Variants in PON1 observed in about 807,000 individuals in gnomAD.
PON1 encodes serum paraoxonase/arylesterase 1.
Under a neutral mutation model 39.2 loss-of-function variants are expected in PON1, and 37 were observed. That is an observed-to-expected ratio of 0.94 (90% CI 0.73 to 1.24). The LOEUF is 1.24. PON1 is among the 50% of genes most tolerant of loss of function. The pLI, the probability that PON1 is intolerant of heterozygous loss-of-function variation, is 0.00. For missense variants in PON1, 397 were observed against 413.5 expected, an observed-to-expected ratio of 0.96 and a Z score of 0.35; for synonymous variants, 148 against 152.2, an observed-to-expected ratio of 0.97 and a Z score of 0.21.
At chr7:95,316,311 T>C (rs1195503234) in intron 3 of PON1, among the ~76,000 whole-genome samples, 3 of 152,206 alleles carry the variant, frequency 2.0e-5, no homozygotes, top group African/African-American at 4.8e-5. Context: ...TCAACAATTT[T>C]AAATTAAAGG....
Position 95,318,896 on chromosome 7 carries a change from C to A in PON1, c.75-503G>T, listed in dbSNP as rs371553006. Among the ~76,000 whole-genome samples, 26 of 152,234 alleles carry A rather than the reference C, an allele frequency of 1.7e-4. 1 individual carries two copies. In the South Asian group the frequency reaches 4.6e-3, roughly 27 times the overall value. On this transcript the variant is annotated intron_variant, in intron 1 of 8. Transcript: ENST00000222381. ...TAACTTCAGAAAATCATACACAAGG[C>A]CTGCATGTAAAAAGGCATTTCACAC...
rs1051416101 is a variant in PON1, at chr7:95,298,595, G to T, written c.*349C>A. 2 of 370,194 alleles carry T rather than the reference G, an allele frequency of 5.4e-6. No homozygotes were observed. Among genetic ancestry groups the T allele is most frequent in the East Asian group, 1.3e-4 (2 of 14,930 alleles). 22.9% of individuals were successfully genotyped at this position (370,194 alleles called of 1,614,324 possible). ...TCTGAACAAGACATGGCAAGGCAGCGATACACACATGTGCTTCCAGGCAAC... is the reference window on the plus strand; with the variant it reads ...TCTGAACAAGACATGGCAAGGCAGCTATACACACATGTGCTTCCAGGCAAC... On this transcript the variant is annotated 3_prime_UTR_variant, in exon 9 of 9. Coordinates refer to ENST00000222381, the MANE Select transcript of PON1 (RefSeq NM_000446.7).
chr7:95,303,400 C>T (rs750009752), intron 7 of PON1, among the ~76,000 whole-genome samples: 18 of 152,212 alleles, frequency 1.2e-4, no homozygotes, highest in Non-Finnish European at 2.4e-4. Context: ...AGTGTCAGCA[C>T]ACCACTCTGA....
chr7:95,318,064 ATTTTTCTTTTTTCTT>A, intron 2 of PON1, among the ~76,000 whole-genome samples: 1 of 141,832 alleles, frequency 7.1e-6, no homozygotes, highest in African/African-American at 2.6e-5. Context: ...ACATTATTCT[ATTTTTCTTTTTTCTT>A]TTTTTCTTTT....
chr7:95,320,792 G>C (rs888013970), intron 1 of PON1, among the ~76,000 whole-genome samples: 3 of 152,164 alleles, frequency 2.0e-5, no homozygotes, highest in Non-Finnish European at 4.4e-5. Context: ...AAAGGCTTAA[G>C]TCCAAATGTT....
Position 95,322,743 on chromosome 7 carries a change from C to T in PON1, c.74+1659G>A, listed in dbSNP as rs548671948. 2.0e-5 allele frequency among the ~76,000 whole-genome samples: 3 copies of T among 152,242 alleles called. 1 individual carries two copies. Among genetic ancestry groups the T allele is most frequent in the South Asian group, 4.2e-4 (2 of 4,812 alleles). On this transcript the variant is annotated intron_variant, in intron 1 of 8. Transcript: ENST00000222381. ...ATCCAAGGCATTCCCTGGACTTGTG[C>T]GGCACATACAGCCGACTACAAAGGT... is the stretch of plus-strand genomic sequence containing the variant.
At chr7:95,306,640 T>A (rs1807547107) in intron 6 of PON1, among the ~76,000 whole-genome samples, 2 of 152,158 alleles carry the variant, frequency 1.3e-5, no homozygotes, top group Non-Finnish European at 2.9e-5. Flanking sequence ...TATCTGGGAG[T>A]AAAATGCATT....
Position 95,298,597 on chromosome 7 carries a change from TAC to T in PON1, c.*345_*346del, listed in dbSNP as rs1807342192. 1 of 375,220 alleles carries T rather than the reference TAC, an allele frequency of 2.7e-6. No homozygotes were observed. Among genetic ancestry groups the T allele is most frequent in the African/African-American group, 2.1e-5 (1 of 47,768 alleles). 23.2% of individuals were successfully genotyped at this position (375,220 alleles called of 1,614,324 possible). A position where few individuals can be genotyped will look rare whatever the true frequency, so the allele number is the denominator to read the frequency against. On this transcript the variant is annotated 3_prime_UTR_variant, in exon 9 of 9. Coordinates refer to ENST00000222381, the MANE Select transcript of PON1 (RefSeq NM_000446.7). ...TGAACAAGACATGGCAAGGCAGCGA[TAC>T]ACACATGTGCTTCCAGGCAACACAT...
Position 95,315,359 on chromosome 7 carries a change from T to C in PON1, c.333A>G (p.Ser111=), listed in dbSNP as rs770459074. The C allele has an allele frequency of 2.5e-6, 4 of 1,613,734 alleles. No individual in the cohort carries two copies. The East Asian group carries it at 8.9e-5, about 36-fold the overall frequency. The change falls in exon 4 of 9, where the codon TCA becomes TCG. Residue 111 remains serine (S), a synonymous_variant. Coordinates refer to ENST00000222381, the MANE Select transcript of PON1 (RefSeq NM_000446.7). ...GITGSKFDVS[S]FNPHGISTFT... is the part of the protein sequence containing the mutation. ...ATGTGCTAATCCCATGAGGGTTAAA[T>C]GAAGATACATCAAATTTACTTCCAG...
At chr7:95,315,717 C>A (rs1455410104) in intron 3 of PON1, among the ~76,000 whole-genome samples, 1 of 152,140 alleles carries the variant, frequency 6.6e-6, no homozygotes, top group Non-Finnish European at 1.5e-5. Flanking sequence ...TCATCCCCTG[C>A]AGCAAAGTCA....
chr7:95,306,140 C>T (rs1807535583), intron 7 of PON1, 145 bp downstream of exon 7: 1 of 716,596 alleles, frequency 1.4e-6, no homozygotes, highest in African/African-American at 1.7e-5. Context: ...AAACACATAA[C>T]CAAGCTAATG....
At chr7:95,321,378 T>C (rs1266001034) in intron 1 of PON1, among the ~76,000 whole-genome samples, 1 of 152,234 alleles carries the variant, frequency 6.6e-6, no homozygotes, top group Non-Finnish European at 1.5e-5. Context: ...GCCTAGGCAT[T>C]AAGAAATCCG....
At chr7:95,321,410 TG>T (rs1417649036) in intron 1 of PON1, among the ~76,000 whole-genome samples, 2 of 152,214 alleles carry the variant, frequency 1.3e-5, no homozygotes, top group African/African-American at 4.8e-5. Context: ...AAACTCTTCT[TG>T]GGGCCAAATT....
rs561040371 is a variant in PON1, at chr7:95,298,926, T to A, written c.*18A>T. 1.2e-6 allele frequency: 2 copies of A among 1,614,114 alleles called. No individual in the cohort carries two copies. The highest frequency in any genetic ancestry group is 2.7e-5 in the African/African-American group (2 of 75,046). ...AATAATGGCCTCAGTTTCTATGGCA[T>A]GGGTGCAAATCGGTCTGTTAGAGCT... On this transcript the variant is annotated 3_prime_UTR_variant, in exon 9 of 9. Coordinates refer to ENST00000222381, the MANE Select transcript of PON1 (RefSeq NM_000446.7).
chr7:95,316,341 T>TA (rs1395934449), intron 3 of PON1, among the ~76,000 whole-genome samples: 3 of 152,198 alleles, frequency 2.0e-5, no homozygotes, highest in Non-Finnish European at 4.4e-5. Context: ...GAAATTTGTT[T>TA]AAAAATGTGA....
intron 4 of PON1, 45 bp from the exon 5 acceptor site, chr7:95,311,622 C>T (rs780098817): frequency 6.2e-7 from 1 of 1,612,030 alleles, no homozygotes; most frequent in Non-Finnish European, 8.5e-7. Context: ...ACTAAGCTCT[C>T]ACTGTCAGCC....
intron 1 of PON1, among the ~76,000 whole-genome samples, chr7:95,322,466 G>T (rs1393048203): frequency 3.9e-5 from 6 of 151,946 alleles, no homozygotes; most frequent in Admixed American, 2.0e-4. Flanking sequence ...TTGCAGAAAT[G>T]ATATCTAACC....
chr7:95,305,598 G>A (rs768053380), intron 7 of PON1, among the ~76,000 whole-genome samples: 64 of 152,268 alleles, frequency 4.2e-4, no homozygotes, highest in Non-Finnish European at 9.0e-4. Context: ...CAGGAAAGGC[G>A]AGGGAAAATA....
intron 7 of PON1, among the ~76,000 whole-genome samples, chr7:95,305,451 A>G (rs1449810964): frequency 6.6e-6 from 1 of 152,224 alleles, no homozygotes; most frequent in Non-Finnish European, 1.5e-5. Context: ...CAACTAGTCA[A>G]TGTGAATTGT....
Sources: allele counts gnomAD v4.1 joint callset (sites outside exome capture counted in the v4.1 genomes callset), GRCh38; gene constraint gnomAD v4.1.1; transcripts MANE v1.5; gene names NCBI Gene and HGNC (gene_info 2026-07-23, HGNC 2026-07-21).